FGF14: variants seen among roughly 807,000 people sequenced by gnomAD.
FGF14 encodes the protein fibroblast growth factor 14.
A neutral mutation model predicts 25.5 loss-of-function variants in FGF14; 5 were observed. The observed-to-expected ratio is 0.20, with a 90% CI of 0.10 to 0.41. The LOEUF (loss-of-function observed/expected upper bound fraction) is 0.41. Ranked by LOEUF, FGF14 falls within the 10% of genes least tolerant of loss-of-function variation. The pLI is 1.00. For synonymous variants in FGF14, 138 were observed against 118.3 expected, an observed-to-expected ratio of 1.17 and a Z score of -1.08; for missense variants, 222 against 320.1, an observed-to-expected ratio of 0.69 and a Z score of 2.34.
At chr13:102,134,784 A>AT (rs1340056223) in intron 1 of FGF14, among the ~76,000 whole-genome samples, 1 of 152,172 alleles carries the variant, frequency 6.6e-6, no homozygotes, top group Admixed American at 6.5e-5. Flanking sequence ...TAAATTAAGG[A>AT]TTTTTTAATT....
intron 1 of FGF14, among the ~76,000 whole-genome samples, chr13:101,879,370 CATAAT>C (rs1289856604): frequency 4.6e-5 from 7 of 152,112 alleles, no homozygotes; most frequent in African/African-American, 1.7e-4. Context: ...AAAGATGTTT[CATAAT>C]ATATTACCCT....
intron 3 of FGF14, among the ~76,000 whole-genome samples, chr13:101,838,502 G>A (rs1022622720): frequency 1.3e-5 from 2 of 152,046 alleles, no homozygotes; most frequent in Admixed American, 6.6e-5. Context: ...ATTTGAAAGA[G>A]AATTGCTGGT....
chr13:101,760,763 C>G (rs1377463046), intron 3 of FGF14, among the ~76,000 whole-genome samples: 2 of 152,154 alleles, frequency 1.3e-5, no homozygotes, highest in Non-Finnish European at 2.9e-5. Context: ...GCTTCCATTA[C>G]TTTATTTTTC....
intron 1 of FGF14, among the ~76,000 whole-genome samples, chr13:102,145,361 C>T (rs568256445): frequency 2.6e-5 from 4 of 152,260 alleles, no homozygotes; most frequent in East Asian, 3.9e-4. Flanking sequence ...TCTGCTAAAG[C>T]TGTCTTGCAC....
intron 1 of FGF14, among the ~76,000 whole-genome samples, chr13:101,947,807 T>C (rs4097136): frequency 0.39 from 59,399 of 152,036 alleles, 13,307 homozygotes; most frequent in East Asian, 0.72. Context: ...AACAAACCTG[T>C]ACATGTACCC....
chr13:101,818,879 T>C (rs2041973752), intron 3 of FGF14, among the ~76,000 whole-genome samples: 1 of 152,206 alleles, frequency 6.6e-6, no homozygotes, highest in South Asian at 2.1e-4. Flanking sequence ...TTTTCCTATT[T>C]TTCCCAACAT....
chr13:102,354,988 C>T (rs2057381924), intron 1 of FGF14, among the ~76,000 whole-genome samples: 1 of 152,098 alleles, frequency 6.6e-6, no homozygotes, highest in South Asian at 2.1e-4. Flanking sequence ...CGATCAAGAC[C>T]CATATTCTTA....
chr13:101,843,015 G>A (rs1227897291), intron 3 of FGF14, among the ~76,000 whole-genome samples: 1 of 152,028 alleles, frequency 6.6e-6, no homozygotes, highest in East Asian at 1.9e-4. Context: ...ACATACACAC[G>A]ATTGAGGCTT....
chr13:102,396,977 G>A (rs1198470015), intron 1 of FGF14, among the ~76,000 whole-genome samples: 1 of 152,148 alleles, frequency 6.6e-6, no homozygotes, highest in Non-Finnish European at 1.5e-5. Flanking sequence ...AAGCATGTTA[G>A]AAGAAGCAGC....
intron 1 of FGF14, among the ~76,000 whole-genome samples, chr13:102,346,113 C>T (rs185232627): frequency 6.6e-6 from 1 of 152,014 alleles, no homozygotes; most frequent in Non-Finnish European, 1.5e-5. Context: ...TAAATTATCC[C>T]AAATCCTGAA....
At chr13:102,171,733 TGTCA>T (rs1477759772) in intron 1 of FGF14, among the ~76,000 whole-genome samples, 1 of 152,094 alleles carries the variant, frequency 6.6e-6, no homozygotes, top group African/African-American at 2.4e-5. Context: ...AGATTTATGT[TGTCA>T]GTCAGTAAAA....
intron 1 of FGF14, among the ~76,000 whole-genome samples, chr13:102,380,775 A>G (rs936621130): frequency 6.6e-6 from 1 of 152,230 alleles, no homozygotes; most frequent in South Asian, 2.1e-4. Context: ...ACAAATTAAA[A>G]GTAAATATAG....
At chr13:102,360,630 T>A (rs916463275) in intron 1 of FGF14, among the ~76,000 whole-genome samples, 10 of 152,152 alleles carry the variant, frequency 6.6e-5, no homozygotes, top group African/African-American at 2.4e-4. Context: ...AAATCACAGG[T>A]AATACCTCCA....
At chr13:102,006,727 C>CATT in intron 1 of FGF14, among the ~76,000 whole-genome samples, 1 of 61,948 alleles carries the variant, frequency 1.6e-5, no homozygotes, top group South Asian at 7.3e-4. Flanking sequence ...AATCTTACTT[C>CATT]TTTTTTTTTT....
At chr13:102,147,832 G>A (rs946638259) in intron 1 of FGF14, among the ~76,000 whole-genome samples, 24 of 152,126 alleles carry the variant, frequency 1.6e-4, no homozygotes, top group African/African-American at 5.8e-4. Flanking sequence ...GGTTTTGCAT[G>A]CCAAAAATGG....
intron 1 of FGF14, among the ~76,000 whole-genome samples, chr13:102,272,834 G>A (rs1429344860): frequency 6.6e-6 from 1 of 152,032 alleles, no homozygotes; most frequent in African/African-American, 2.4e-5. Context: ...ACTGACAGGA[G>A]ACCCAACTGT....
chr13:101,868,641 CAT>C, intron 3 of FGF14, 82 bp downstream of exon 3: 1 of 898,780 alleles, frequency 1.1e-6, no homozygotes, highest in Non-Finnish European at 1.9e-6. Flanking sequence ...AAACAACAGA[CAT>C]AGAACTTTCT....
At chr13:102,116,799 G>A (rs1280813158) in intron 1 of FGF14, among the ~76,000 whole-genome samples, 3 of 152,218 alleles carry the variant, frequency 2.0e-5, no homozygotes, top group Non-Finnish European at 4.4e-5. Flanking sequence ...TTAAAGGTAA[G>A]AGTGGTTAAA....
intron 1 of FGF14, among the ~76,000 whole-genome samples, chr13:102,126,285 A>G (rs2045944851): frequency 6.6e-6 from 1 of 152,130 alleles, no homozygotes; most frequent in Non-Finnish European, 1.5e-5. Context: ...GAATTTCCCT[A>G]TTCTAGGAAC....
Sources: allele counts gnomAD v4.1 joint callset (sites outside exome capture counted in the v4.1 genomes callset), GRCh38; gene constraint gnomAD v4.1.1; transcripts MANE v1.5; gene names NCBI Gene and HGNC (gene_info 2026-07-23, HGNC 2026-07-21).